Variants in SCN7A observed in about 807,000 individuals in gnomAD.
SCN7A encodes sodium voltage-gated channel alpha subunit 7.
In SCN7A, 138 loss-of-function variants were observed where a neutral mutation model predicts 155.2. The ratio of observed to expected loss-of-function variants is 0.89; its 90% confidence interval spans 0.77 to 1.02. SCN7A has a LOEUF of 1.02. Among genes scored for constraint, SCN7A ranks in the 50% least tolerant of loss-of-function variants. SCN7A has a pLI of 0.00. For synonymous variants in SCN7A, 693 were observed against 649.0 expected (o/e 1.07, Z -1.03); for missense variants, 2,058 against 1,986.6 (o/e 1.04, Z -0.68).
intron 1 of SCN7A, among the ~76,000 whole-genome samples, chr2:166,489,283 T>C (rs1291496245): frequency 1.3e-5 from 2 of 152,200 alleles, no homozygotes; most frequent in Non-Finnish European, 2.9e-5. Context: ...ATTATATACA[T>C]AAAGTTGTAT....
At chr2:166,439,055 GTATATA>G (rs66783423) in intron 15 of SCN7A, among the ~76,000 whole-genome samples, 3 of 113,412 alleles carry the variant, frequency 2.6e-5, no homozygotes, top group Non-Finnish European at 5.2e-5. Context: ...GTGTGTGTGT[GTATATA>G]TATATATATA....
At chr2:166,408,761 G>A (rs1258940429) in intron 25 of SCN7A, among the ~76,000 whole-genome samples, 2 of 151,900 alleles carry the variant, frequency 1.3e-5, no homozygotes, top group African/African-American at 4.8e-5. Flanking sequence ...ACTACTCAAT[G>A]CATAGAATAG....
intron 15 of SCN7A, 152 bp downstream of exon 15, chr2:166,441,244 A>C (rs937910710): frequency 1.8e-6 from 1 of 540,968 alleles, no homozygotes; most frequent in Non-Finnish European, 3.2e-6. Context: ...AACTAATCAT[A>C]TATCAGTTGA....
At chr2:166,487,438 C>T (rs1217185087) in intron 1 of SCN7A, among the ~76,000 whole-genome samples, 1 of 152,076 alleles carries the variant, frequency 6.6e-6, no homozygotes, top group African/African-American at 2.4e-5. Context: ...TTCCCCTGTC[C>T]CTCAGTTTTA....
In SCN7A at chr2:166,406,325, C is replaced by A. The variant is rs774533382; in HGVS notation, c.4304G>T (p.Gly1435Val). 55 of 1,613,022 alleles carry A rather than the reference C, an allele frequency of 3.4e-5. No individual in the cohort carries two copies. The highest frequency in any genetic ancestry group is 4.2e-5 in the Non-Finnish European group (50 of 1,179,410). ...LCLFQVAIFA[G>V]WDGMLDAIFN... ...AATTGCATCAAGCATCCCATCCCAA[C>A]CAGCAAATATTGCAACTTGAAAAAG... Residue 1435 changes from glycine (G) to valine (V), a missense_variant, in exon 26 of 26, where the codon GGT (glycine) becomes GTT (valine). Gly to Val is a moderately radical substitution (Grantham distance 109). Transcript: ENST00000643258.
At chr2:166,438,406 G>A (rs1701882885) in intron 15 of SCN7A, among the ~76,000 whole-genome samples, 1 of 152,100 alleles carries the variant, frequency 6.6e-6, no homozygotes, top group East Asian at 1.9e-4. Context: ...TGTCAGGTAT[G>A]TCTTTATTAG....
chr2:166,467,954 A>T (rs956326879), intron 7 of SCN7A, among the ~76,000 whole-genome samples: 2 of 151,754 alleles, frequency 1.3e-5, no homozygotes, highest in African/African-American at 4.8e-5. Flanking sequence ...TTTGTCAATA[A>T]ATTTACTGTG....
chr2:166,416,681 T>C, intron 21 of SCN7A, 26 bp downstream of exon 21: 2 of 1,552,820 alleles, frequency 1.3e-6, no homozygotes, highest in Non-Finnish European at 1.7e-6. Flanking sequence ...ATATAATTAA[T>C]AAGGAAAAGT....
chr2:166,417,092 A>C (rs894463378), intron 20 of SCN7A, 107 bp from the exon 21 acceptor site: 9 of 882,352 alleles, frequency 1.0e-5, no homozygotes, highest in Admixed American at 6.3e-5. Context: ...TTAAAAAAAA[A>C]CCTTAAAAGG....
At chr2:166,412,994 G>A in intron 22 of SCN7A, 74 bp downstream of exon 22, 1 of 1,003,938 alleles carries the variant, frequency 1.0e-6, no homozygotes. Context: ...ATTATTACTG[G>A]TGTCCTGTGC....
chr2:166,453,389 T>C (rs1282496601), intron 11 of SCN7A, among the ~76,000 whole-genome samples: 4 of 152,212 alleles, frequency 2.6e-5, no homozygotes, highest in Non-Finnish European at 4.4e-5. Flanking sequence ...CAAGTGTTCT[T>C]AATATAGATT....
rs1258262633 is a variant in SCN7A, at chr2:166,414,253, TAG to T, written c.3415-1134_3415-1133del. ...ATATATCTATATATGTAAATATATA[TAG>T]ATATATATACACACACATATATATA... On this transcript the variant is annotated intron_variant, in intron 21 of 25. Transcript: ENST00000643258. Among the ~76,000 whole-genome samples, 278 of 84,648 alleles carry T rather than the reference TAG, an allele frequency of 3.3e-3. 6 individuals are homozygous for T. Among genetic ancestry groups the T allele is most frequent in the African/African-American group, 0.013 (266 of 20,898 alleles). The allele number at this position is 84,648 out of a possible 152,430, so 55.5% of individuals were successfully genotyped here.
chr2:166,483,696 AG>A (rs1702981839), intron 2 of SCN7A, among the ~76,000 whole-genome samples: 1 of 151,912 alleles, frequency 6.6e-6, no homozygotes, highest in South Asian at 2.1e-4. Flanking sequence ...AGTGCTGGTT[AG>A]GGTATGAAAA....
At chr2:166,420,437 C>T (rs1357096112) in intron 20 of SCN7A, among the ~76,000 whole-genome samples, 3 of 151,862 alleles carry the variant, frequency 2.0e-5, no homozygotes, top group East Asian at 3.9e-4. Flanking sequence ...ATAAAAGGTA[C>T]ATTTGAACGT....
intron 21 of SCN7A, among the ~76,000 whole-genome samples, chr2:166,413,645 G>A (rs1000853807): frequency 1.3e-5 from 2 of 152,098 alleles, no homozygotes; most frequent in African/African-American, 4.8e-5. Context: ...GTGTCTGTGA[G>A]GGTGTTGCCA....
intron 16 of SCN7A, among the ~76,000 whole-genome samples, chr2:166,430,294 G>A (rs887015726): frequency 2.6e-5 from 4 of 151,854 alleles, no homozygotes; most frequent in Non-Finnish European, 5.9e-5. Context: ...TCAGTTGTCA[G>A]TAAATCATTA....
chr2:166,439,343 C>T (rs940477126), intron 15 of SCN7A, among the ~76,000 whole-genome samples: 10 of 152,020 alleles, frequency 6.6e-5, no homozygotes, highest in Non-Finnish European at 8.8e-5. Flanking sequence ...GCATGTGATT[C>T]AGCTAATGAG....
intron 21 of SCN7A, 51 bp from the exon 22 acceptor site, chr2:166,413,172 T>A: frequency 8.8e-7 from 1 of 1,137,592 alleles, no homozygotes; most frequent in Non-Finnish European, 1.3e-6. Flanking sequence ...AAATAAAAAG[T>A]AAAATCTCAG....
intron 7 of SCN7A, among the ~76,000 whole-genome samples, chr2:166,466,486 A>T (rs1182511015): frequency 6.6e-6 from 1 of 152,170 alleles, no homozygotes; most frequent in Non-Finnish European, 1.5e-5. Context: ...CTGTATTTAT[A>T]TCAGAATACT....
Sources: allele counts gnomAD v4.1 joint callset (sites outside exome capture counted in the v4.1 genomes callset), GRCh38; gene constraint gnomAD v4.1.1; transcripts MANE v1.5; gene names NCBI Gene and HGNC (gene_info 2026-07-23, HGNC 2026-07-21).